Variants in LRP1B observed in about 807,000 individuals in gnomAD.
LRP1B encodes LDL receptor related protein 1B, also known as low-density lipoprotein receptor-related protein 1B.
In LRP1B, 217 loss-of-function variants were observed where a neutral mutation model predicts 556.6. The ratio of observed to expected loss-of-function variants is 0.39; its 90% confidence interval spans 0.35 to 0.44. The LOEUF is 0.44. Among genes scored for constraint, LRP1B ranks in the 20% least tolerant of loss-of-function variants. The pLI, the probability that LRP1B is intolerant of heterozygous loss-of-function variation, is 1.00. For missense variants in LRP1B, 5,053 were observed against 5,620.8 expected (o/e 0.90, Z 3.23); for synonymous variants, 2,047 against 1,865.8 (o/e 1.10, Z -2.50).
chr2:141,633,966 C>CG (rs112875609), intron 2 of LRP1B, among the ~76,000 whole-genome samples: 55 of 151,894 alleles, frequency 3.6e-4, no homozygotes, highest in African/African-American at 1.3e-3. Flanking sequence ...CTTGATTCTA[C>CG]GGAGATTAAC....
At chr2:141,520,252 A>C (rs1574040269) in intron 2 of LRP1B, among the ~76,000 whole-genome samples, 1 of 152,318 alleles carries the variant, frequency 6.6e-6, no homozygotes, top group East Asian at 1.9e-4. Context: ...TTTCAAAGAA[A>C]GAGAAATACT....
chr2:141,424,257 G>T (rs1559063169), intron 3 of LRP1B, among the ~76,000 whole-genome samples: 1 of 152,022 alleles, frequency 6.6e-6, no homozygotes, highest in African/African-American at 2.4e-5. Flanking sequence ...GGGATTACAG[G>T]CATGCGCCAC....
chr2:142,124,805 T>C (rs189641300), intron 1 of LRP1B, among the ~76,000 whole-genome samples: 7 of 151,992 alleles, frequency 4.6e-5, no homozygotes, highest in Admixed American at 3.3e-4. Context: ...AGAAATATGT[T>C]GCATAATTCT....
chr2:141,897,076 G>A (rs776615157), intron 1 of LRP1B, among the ~76,000 whole-genome samples: 1 of 152,014 alleles, frequency 6.6e-6, no homozygotes, highest in Non-Finnish European at 1.5e-5. Flanking sequence ...ATGTATTCCT[G>A]TTCTGGAATC....
chr2:140,309,262 G>A (rs144976655), intron 83 of LRP1B, among the ~76,000 whole-genome samples: 170 of 151,902 alleles, frequency 1.1e-3, no homozygotes, highest in African/African-American at 3.9e-3. Context: ...GCTTTATCTA[G>A]CTCCCTCCCA....
chr2:141,112,064 A>ACATACATACAT (rs1553461478), intron 7 of LRP1B, among the ~76,000 whole-genome samples: 2 of 103,604 alleles, frequency 1.9e-5, no homozygotes, highest in Non-Finnish European at 4.1e-5. Context: ...ATAAATAAAT[A>ACATACATACAT]AATAAATAAT....
intron 3 of LRP1B, among the ~76,000 whole-genome samples, chr2:141,453,811 G>A (rs1428086693): frequency 6.6e-6 from 1 of 151,936 alleles, no homozygotes; most frequent in Non-Finnish European, 1.5e-5. Context: ...CTACTCAGGA[G>A]GCTGAGGCAG....
At chr2:140,593,834 T>C (rs1337087875) in intron 43 of LRP1B, among the ~76,000 whole-genome samples, 6 of 152,178 alleles carry the variant, frequency 3.9e-5, no homozygotes, top group Non-Finnish European at 8.8e-5. Context: ...TTATTTTTGC[T>C]GTTTGAAAGG....
chr2:141,243,567 A>AT (rs1248900684), intron 5 of LRP1B, among the ~76,000 whole-genome samples: 3 of 152,184 alleles, frequency 2.0e-5, no homozygotes, highest in African/African-American at 4.8e-5. Flanking sequence ...TCTCATAAAA[A>AT]TTTGTAGTCT....
At chr2:141,252,671 C>T (rs1366724246) in intron 4 of LRP1B, among the ~76,000 whole-genome samples, 3 of 152,056 alleles carry the variant, frequency 2.0e-5, no homozygotes, top group African/African-American at 7.2e-5. Flanking sequence ...GCAATATGAT[C>T]GATTATCTCT....
intron 2 of LRP1B, among the ~76,000 whole-genome samples, chr2:141,585,466 T>TGTGTGTGTGTGA (rs1553538855): frequency 7.6e-5 from 11 of 145,546 alleles, no homozygotes; most frequent in South Asian, 6.6e-4. Context: ...TGTGTGTGTG[T>TGTGTGTGTGTGA]GTGATGGGGT....
chr2:141,492,091 A>AAAAAC (rs67960557), intron 2 of LRP1B, among the ~76,000 whole-genome samples: 4 of 100,194 alleles, frequency 4.0e-5, no homozygotes, highest in Non-Finnish European at 5.6e-5. Context: ...AAAAAAAAAA[A>AAAAAC]CACTAAGAAA....
At chr2:141,740,952 T>C (rs1693677205) in intron 2 of LRP1B, among the ~76,000 whole-genome samples, 1 of 152,156 alleles carries the variant, frequency 6.6e-6, no homozygotes, top group African/African-American at 2.4e-5. Flanking sequence ...ACCAGCCTTC[T>C]ACTTTCTACC....
chr2:140,806,064 T>TTC (rs3061403), intron 32 of LRP1B, among the ~76,000 whole-genome samples: 6 of 151,192 alleles, frequency 4.0e-5, no homozygotes, highest in African/African-American at 4.9e-5. Flanking sequence ...AGAGAGCTCT[T>TTC]TCTCTCTCTC....
intron 32 of LRP1B, among the ~76,000 whole-genome samples, chr2:140,799,596 T>C (rs909433120): frequency 1.2e-4 from 18 of 152,382 alleles, no homozygotes; most frequent in Admixed American, 1.2e-3. Flanking sequence ...GCTAGTCCTT[T>C]ATAATGCAGA....
chr2:141,045,099 G>A (rs1698828052), intron 11 of LRP1B, among the ~76,000 whole-genome samples: 1 of 148,192 alleles, frequency 6.7e-6, no homozygotes, highest in Admixed American at 6.8e-5. Context: ...CATAAAAAAT[G>A]ATGAGTTCAT....
At chr2:140,277,921 A>G (rs1682749187) in intron 84 of LRP1B, among the ~76,000 whole-genome samples, 1 of 151,966 alleles carries the variant, frequency 6.6e-6, no homozygotes, top group African/African-American at 2.4e-5. Flanking sequence ...GTCAAGAAAC[A>G]TACACATAAT....
In LRP1B at chr2:140,541,862, G is replaced by A. The variant is rs149573054; in HGVS notation, c.7304C>T (p.Thr2435Ile). The change falls in exon 44 of 91, where the codon ACA becomes ATA. Residue 2435 changes from threonine (T) to isoleucine (I), a missense_variant. Thr to Ile is a moderately conservative substitution (Grantham distance 89). Coordinates refer to ENST00000389484, the MANE Select transcript of LRP1B (RefSeq NM_018557.3). ...RRAILRSNKYTGGDTKILRSD... is the reference protein window; with the variant it reads ...RRAILRSNKYIGGDTKILRSD... Reference sequence around the variant, plus strand: ...ACGAAGAATTTTTGTATCTCCTCCTGTGTACTTGTTGGACCGCAGTATAGC... The same window carrying A: ...ACGAAGAATTTTTGTATCTCCTCCTATGTACTTGTTGGACCGCAGTATAGC... The A allele has an allele frequency of 7.7e-5, 124 of 1,612,652 alleles. No individual in the cohort carries two copies. The highest frequency in any genetic ancestry group is 9.6e-5 in the Non-Finnish European group (113 of 1,179,156).
At chr2:140,850,069 C>CTT (rs1559155408) in intron 29 of LRP1B, 33 bp downstream of exon 29, 2 of 1,341,808 alleles carry the variant, frequency 1.5e-6, no homozygotes, top group Non-Finnish European at 2.1e-6. Context: ...ATAACAAACA[C>CTT]TTTTAAAGTT....
Sources: allele counts gnomAD v4.1 joint callset (sites outside exome capture counted in the v4.1 genomes callset), GRCh38; gene constraint gnomAD v4.1.1; transcripts MANE v1.5; gene names NCBI Gene and HGNC (gene_info 2026-07-23, HGNC 2026-07-21).